Variants in SGCD observed in about 807,000 individuals in gnomAD.
SGCD encodes sarcoglycan delta.
A neutral mutation model predicts 36.6 loss-of-function variants in SGCD; 18 were observed. The ratio of observed to expected loss-of-function variants is 0.49; its 90% CI spans 0.34 to 0.73. The LOEUF is 0.73. Ranked by LOEUF, SGCD falls within the 30% of genes least tolerant of loss-of-function variation. The pLI is 0.01. For missense variants in SGCD, 387 were observed against 346.7 expected (o/e 1.12, Z -0.92); for synonymous variants, 133 against 130.6 (o/e 1.02, Z -0.12).
chr5:156,016,021 A>G (rs1581043443), intron 1 of SGCD, among the ~76,000 whole-genome samples: 1 of 152,070 alleles, frequency 6.6e-6, no homozygotes, highest in East Asian at 1.9e-4. Flanking sequence ...CCTGACCTTT[A>G]AAACAAAACA....
At chr5:155,879,460 G>A (rs1251362965) in intron 1 of SGCD, among the ~76,000 whole-genome samples, 5 of 152,048 alleles carry the variant, frequency 3.3e-5, no homozygotes, top group Non-Finnish European at 5.9e-5. Flanking sequence ...TCCCTGGATA[G>A]CGTTGTCTCC....
chr5:156,145,980 A>G (rs925360898), intron 3 of SGCD, among the ~76,000 whole-genome samples: 27 of 152,156 alleles, frequency 1.8e-4, no homozygotes, highest in Admixed American at 6.5e-4. Context: ...TTGGGAGGCC[A>G]AGGTGGGCGG....
chr5:156,642,171 C>G (rs903628921), intron 6 of SGCD, among the ~76,000 whole-genome samples: 1 of 152,150 alleles, frequency 6.6e-6, no homozygotes, highest in African/African-American at 2.4e-5. Context: ...CATGGGCACT[C>G]TACCCTGATG....
intron 3 of SGCD, among the ~76,000 whole-genome samples, chr5:156,170,158 C>A (rs992267517): frequency 2.6e-5 from 4 of 152,050 alleles, no homozygotes; most frequent in Admixed American, 2.0e-4. Context: ...CTGCAAGACA[C>A]CATTAATAAG....
intron 7 of SGCD, among the ~76,000 whole-genome samples, chr5:156,679,719 G>A (rs1322525661): frequency 1.3e-5 from 2 of 152,050 alleles, no homozygotes; most frequent in Non-Finnish European, 2.9e-5. Flanking sequence ...AAAATCCTGC[G>A]GCTACGTTAC....
intron 7 of SGCD, among the ~76,000 whole-genome samples, chr5:156,679,510 A>G (rs560129505): frequency 2.0e-5 from 3 of 152,176 alleles, no homozygotes; most frequent in African/African-American, 7.2e-5. Context: ...GCACAGCTGT[A>G]TGGAGCCCTG....
At chr5:156,627,565 AG>A (rs1762481796) in intron 6 of SGCD, among the ~76,000 whole-genome samples, 1 of 152,122 alleles carries the variant, frequency 6.6e-6, no homozygotes, top group Non-Finnish European at 1.5e-5. Context: ...CAGGTTGAAA[AG>A]CTCACTCACC....
chr5:156,696,915 AACACACACACACACACACAC>A (rs57963416), intron 7 of SGCD, among the ~76,000 whole-genome samples: 115 of 145,178 alleles, frequency 7.9e-4, no homozygotes, highest in African/African-American at 2.4e-3. Flanking sequence ...CCTTACACAC[AACACACACACACACACACAC>A]ACACACACAC....
the SGCD span, among the ~76,000 whole-genome samples, chr5:155,862,434 C>G: frequency 6.6e-6 from 1 of 152,104 alleles, no homozygotes; most frequent in South Asian, 2.1e-4. Flanking sequence ...TCAAGAAATC[C>G]TCCTGCCTCA....
intron 3 of SGCD, among the ~76,000 whole-genome samples, chr5:156,370,764 C>T (rs1164007948): frequency 6.6e-6 from 1 of 151,830 alleles, no homozygotes; most frequent in Non-Finnish European, 1.5e-5. Flanking sequence ...CATTTCATGA[C>T]ATTAATAGGA....
At chr5:155,911,923 C>T (rs1756638022) in intron 1 of SGCD, among the ~76,000 whole-genome samples, 2 of 152,220 alleles carry the variant, frequency 1.3e-5, no homozygotes, top group South Asian at 2.1e-4. Context: ...AGCCCTCTCT[C>T]TAAAGGAGTG....
At chr5:156,206,045 T>G (rs1764268827) in intron 3 of SGCD, among the ~76,000 whole-genome samples, 1 of 149,036 alleles carries the variant, frequency 6.7e-6, no homozygotes, top group Non-Finnish European at 1.5e-5. Context: ...CAAATGAATA[T>G]GTGCATCTAT....
Position 155,882,717 on chromosome 5 carries a change from A to C in SGCD, c.-282+12293A>C, listed in dbSNP as rs113370779. On this transcript the variant is annotated intron_variant, in intron 1 of 9. Coordinates refer to the SGCD transcript ENST00000517913. ...ATACTCACCAAACCATGCTGAAAACAGATATGCTATCATTTAAGCTTTCTT... is the reference window on the plus strand; with the variant it reads ...ATACTCACCAAACCATGCTGAAAACCGATATGCTATCATTTAAGCTTTCTT... Among the ~76,000 whole-genome samples, 51 of 152,316 alleles carry C rather than the reference A, an allele frequency of 3.3e-4. 1 individual carries two copies. Among genetic ancestry groups the C allele is most frequent in the Admixed American group, 8.5e-4 (13 of 15,302 alleles).
chr5:156,411,749 A>G (rs1460135764), intron 3 of SGCD, among the ~76,000 whole-genome samples: 5 of 152,222 alleles, frequency 3.3e-5, no homozygotes, highest in African/African-American at 1.2e-4. Context: ...GTGTCCCCCA[A>G]AGAGAACACT....
At chr5:155,867,240 C>A (rs1166115088), upstream of SGCD, among the ~76,000 whole-genome samples, 2 of 152,166 alleles carry the variant, frequency 1.3e-5, no homozygotes, top group Non-Finnish European at 2.9e-5. Flanking sequence ...GATCATTCAG[C>A]AAGCAGTAAT....
chr5:155,798,340 A>G, the SGCD span, among the ~76,000 whole-genome samples: 2 of 152,216 alleles, frequency 1.3e-5, no homozygotes, highest in Non-Finnish European at 2.9e-5. Flanking sequence ...TATTATAGCC[A>G]CGTGGTTATA....
At position 156,762,144 on chromosome 5, in the gene SGCD, C is replaced by T. The variant is rs1228963870; in HGVS notation, c.*2754C>T. Reference sequence around the variant, plus strand: ...CTTTTACATTAAAAATCTACTAACGCCTACTTTTTAAAAAATGAGATTCTT... The same window carrying T: ...CTTTTACATTAAAAATCTACTAACGTCTACTTTTTAAAAAATGAGATTCTT... On this transcript the variant is annotated 3_prime_UTR_variant, in exon 9 of 9. Coordinates refer to ENST00000337851, the MANE Select transcript of SGCD (RefSeq NM_000337.6). 6.6e-6 allele frequency: 1 copy of T among 152,396 alleles called. No homozygotes were observed. Among genetic ancestry groups the T allele is most frequent in the Non-Finnish European group, 1.5e-5 (1 of 67,982 alleles). The allele number at this position is 152,396 out of a possible 1,614,324, so 9.4% of individuals were successfully genotyped here. A position where few individuals can be genotyped will look rare whatever the true frequency, so the allele number is the denominator to read the frequency against.
chr5:155,980,395 C>T (rs1365083337), intron 1 of SGCD, among the ~76,000 whole-genome samples: 4 of 151,634 alleles, frequency 2.6e-5, no homozygotes, highest in Non-Finnish European at 5.9e-5. Flanking sequence ...ACCATCCTGG[C>T]TAACACGGTG....
rs529773338 is a variant in SGCD, at chr5:156,068,201, C to T, written c.-281-49677C>T. Among the ~76,000 whole-genome samples the T allele has an allele frequency of 7.6e-3, 1,147 of 151,262 alleles. 9 individuals are homozygous for T. Among genetic ancestry groups the T allele is most frequent in the African/African-American group, 0.027 (1,097 of 41,054 alleles). ...GTTAGTTACATATGTATACATGTGC[C>T]ATGCTGGTGTGCTGCACCCATTAAC... On this transcript the variant is annotated intron_variant, in intron 1 of 9. Coordinates refer to the SGCD transcript ENST00000517913.
Sources: allele counts gnomAD v4.1 joint callset (sites outside exome capture counted in the v4.1 genomes callset), GRCh38; gene constraint gnomAD v4.1.1; transcripts MANE v1.5; gene names NCBI Gene and HGNC (gene_info 2026-07-23, HGNC 2026-07-21).